The following SLC1A2 variants were observed in gnomAD, a reference collection of about 807,000 sequenced individuals.
The protein encoded by SLC1A2 is solute carrier family 1 member 2, also known as excitatory amino acid transporter 2.
A neutral mutation model predicts 48.8 loss-of-function variants in SLC1A2; 15 were observed. The observed-to-expected ratio is 0.31, with a 90% CI of 0.21 to 0.47. The LOEUF (loss-of-function observed/expected upper bound fraction) is 0.47, where lower values mean the gene tolerates loss of function less well. Among genes scored for constraint, SLC1A2 ranks in the 20% least tolerant of loss-of-function variants. The pLI, the probability that SLC1A2 is intolerant of heterozygous loss-of-function variation, is 0.99. For missense variants in SLC1A2, 502 were observed against 730.5 expected (o/e 0.69, Z 3.61); for synonymous variants, 279 against 272.6 (o/e 1.02, Z -0.23).
chr11:35,302,423 CT>C (rs1300235969), intron 5 of SLC1A2, among the ~76,000 whole-genome samples: 1 of 152,146 alleles, frequency 6.6e-6, no homozygotes, highest in Admixed American at 6.5e-5. Context: ...TCCCTCCACT[CT>C]TTTCTTCCTT....
chr11:35,322,669 A>G, intron 1 of SLC1A2: 1 of 1,526,990 alleles, frequency 6.5e-7, no homozygotes, highest in South Asian at 1.2e-5. Flanking sequence ...ACTGGAAGAC[A>G]CTAGGTCACC....
intron 9 of SLC1A2, among the ~76,000 whole-genome samples, chr11:35,267,130 C>A (rs910299234): frequency 6.6e-6 from 1 of 152,176 alleles, no homozygotes; most frequent in Non-Finnish European, 1.5e-5. Flanking sequence ...GTGAAGACTG[C>A]GTCTTGAGGT....
intron 1 of SLC1A2, among the ~76,000 whole-genome samples, chr11:35,402,763 G>T (rs570772179): frequency 9.2e-4 from 140 of 152,226 alleles, no homozygotes; most frequent in Admixed American, 1.8e-3. Context: ...GAACTGACTT[G>T]CAGGACACCT....
chr11:35,293,744 A>C (rs1379305110), intron 6 of SLC1A2, among the ~76,000 whole-genome samples: 2 of 152,210 alleles, frequency 1.3e-5, no homozygotes, highest in African/African-American at 4.8e-5. Context: ...TAATTGTAAG[A>C]TCTATACAGA....
chr11:35,419,031 C>T lies in SLC1A2; in HGVS notation c.-65G>A, dbSNP rs1347638047. On this transcript the variant is annotated 5_prime_UTR_variant, in exon 1 of 11. Coordinates refer to ENST00000278379, the MANE Select transcript of SLC1A2 (RefSeq NM_004171.4). This position sits in a 1 kb window ranked among gnomAD's most constrained non-coding sequence, Gnocchi z 5.4. ...AGCTGTGGGCGAGGGAGAAAGCGGA[C>T]GCCGGGGTGAGCGCGAAGTGCGGCC... The T allele has an allele frequency of 6.8e-6, 10 of 1,471,406 alleles. No homozygotes were observed. The highest frequency in any genetic ancestry group is 9.2e-6 in the Non-Finnish European group (10 of 1,082,890). 91.1% of individuals were successfully genotyped at this position (1,471,406 alleles called of 1,614,324 possible). A position where few individuals can be genotyped will look rare whatever the true frequency, so the allele number is the denominator to read the frequency against.
chr11:35,287,702 G>A (rs1850872515), intron 7 of SLC1A2, among the ~76,000 whole-genome samples: 1 of 152,312 alleles, frequency 6.6e-6, no homozygotes, highest in Non-Finnish European at 1.5e-5. Flanking sequence ...ACATGACCAA[G>A]CCTCGAAGGC....
intron 5 of SLC1A2, among the ~76,000 whole-genome samples, chr11:35,304,301 C>A (rs574636824): frequency 6.6e-6 from 1 of 152,162 alleles, no homozygotes; most frequent in South Asian, 2.1e-4. Context: ...TGTTCATGGC[C>A]TCAAGCTCCT....
chr11:35,362,247 C>T (rs1284686375), intron 1 of SLC1A2, among the ~76,000 whole-genome samples: 1 of 152,236 alleles, frequency 6.6e-6, no homozygotes, highest in East Asian at 1.9e-4. Context: ...AGACACACTC[C>T]TCACCATATC....
rs1851737575 is a variant in SLC1A2 at position 35,312,449 on chromosome 11, C to T, written c.311-1G>A. ...GCCTTAGCATCCAGGCCTGACAACC[C>T]TGGATTGAAAAGAAATGCAGAAGGA... On this transcript the variant is annotated splice_acceptor_variant, in intron 3 of 10. Transcript: ENST00000278379. LOFTEE classifies it high-confidence loss of function. 1 of 1,613,726 alleles carries T rather than the reference C, an allele frequency of 6.2e-7. No individual in the cohort carries two copies. Among genetic ancestry groups the T allele is most frequent in the Non-Finnish European group, 8.5e-7 (1 of 1,179,640 alleles).
chr11:35,391,646 G>T (rs933282096), intron 1 of SLC1A2: 1 of 152,226 alleles, frequency 6.6e-6, no homozygotes, highest in Non-Finnish European at 1.5e-5. Context: ...TGGGGAAGAA[G>T]GGATCTCCTC....
In SLC1A2 at chr11:35,260,011, A is replaced by G. The variant is rs890770763; in HGVS notation, c.*883T>C. ...AATCTTTTGGGTTAAACAAAGCAAAACACATACCAAATAATCTCATTTGAT... is the reference window on the plus strand; with the variant it reads ...AATCTTTTGGGTTAAACAAAGCAAAGCACATACCAAATAATCTCATTTGAT... On this transcript the variant is annotated 3_prime_UTR_variant, in exon 11 of 11. Coordinates refer to ENST00000278379, the MANE Select transcript of SLC1A2 (RefSeq NM_004171.4). The G allele has an allele frequency of 7.2e-5, 11 of 152,244 alleles. No homozygotes were observed. The highest frequency in any genetic ancestry group is 1.3e-4 in the Non-Finnish European group (9 of 68,042). The allele number at this position is 152,244 out of a possible 1,614,324, so 9.4% of individuals were successfully genotyped here.
chr11:35,395,299 T>C (rs1854917739), intron 1 of SLC1A2, among the ~76,000 whole-genome samples: 1 of 152,044 alleles, frequency 6.6e-6, no homozygotes. Context: ...AGAATAGCTA[T>C]TTTTAAGGTT....
intron 9 of SLC1A2, chr11:35,280,283 T>G (rs1850584901): frequency 6.6e-6 from 1 of 152,282 alleles, no homozygotes; most frequent in Non-Finnish European, 1.5e-5. Flanking sequence ...TGCCTCCGCC[T>G]CTTGAGTAGT....
chr11:35,293,754 A>G (rs1310169112), intron 6 of SLC1A2, among the ~76,000 whole-genome samples: 1 of 152,204 alleles, frequency 6.6e-6, no homozygotes, highest in Non-Finnish European at 1.5e-5. Context: ...ATCTATACAG[A>G]CTTGCAATTG....
At chr11:35,316,231 G>T (rs1284301725) in intron 2 of SLC1A2, 1 of 152,204 alleles carries the variant, frequency 6.6e-6, no homozygotes, top group Non-Finnish European at 1.5e-5. Flanking sequence ...CTGCAAATGG[G>T]TGGCCAACAT....
chr11:35,320,036 A>T (rs1345029609), intron 1 of SLC1A2, among the ~76,000 whole-genome samples: 1 of 152,200 alleles, frequency 6.6e-6, no homozygotes, highest in African/African-American at 2.4e-5. Context: ...AACTATTCTA[A>T]TTAGTCTAAC....
intron 9 of SLC1A2, among the ~76,000 whole-genome samples, chr11:35,271,301 A>T (rs748777801): frequency 6.6e-6 from 1 of 152,168 alleles, no homozygotes; most frequent in African/African-American, 2.4e-5. Context: ...TGGTCAGGAG[A>T]CACATCTGTG....
chr11:35,275,815 A>G (rs1481056652), intron 9 of SLC1A2, among the ~76,000 whole-genome samples: 2 of 152,138 alleles, frequency 1.3e-5, no homozygotes, highest in Non-Finnish European at 2.9e-5. Context: ...CTTTTCCTCC[A>G]CAGACTACTT....
chr11:35,396,065 C>A (rs1854948043), intron 1 of SLC1A2, among the ~76,000 whole-genome samples: 1 of 142,516 alleles, frequency 7.0e-6, no homozygotes, highest in Non-Finnish European at 1.5e-5. Context: ...TTTTCTTAAT[C>A]CAGTCTATCA....
Sources: gnomAD v4.1 joint callset for allele counts (sites outside exome capture counted in the v4.1 genomes callset) on GRCh38, gnomAD v4.1.1 for gene constraint, Gnocchi (gnomAD v3.1) non-coding constraint, MANE v1.5 for transcripts, NCBI Gene and HGNC (gene_info 2026-07-23, HGNC 2026-07-21) for gene names.